Variants in PLEKHO2 observed in about 807,000 individuals in gnomAD.
PLEKHO2 encodes pleckstrin homology domain containing O2, also known as pleckstrin homology domain-containing family O member 2.
Under a neutral mutation model 32.7 loss-of-function variants are expected in PLEKHO2, and 20 were observed. The ratio of observed to expected loss-of-function variants is 0.61; its 90% CI spans 0.43 to 0.89. PLEKHO2 has a LOEUF of 0.89. PLEKHO2 is among the 40% of genes least tolerant of loss of function. The pLI is 0.00. For missense variants in PLEKHO2, 568 were observed against 621.2 expected, an observed-to-expected ratio of 0.91 and a Z score of 0.91; for synonymous variants, 247 against 246.3, an observed-to-expected ratio of 1.00 and a Z score of -0.03.
intron 2 of PLEKHO2, among the ~76,000 whole-genome samples, chr15:64,851,459 G>A (rs2084568159): frequency 6.6e-6 from 1 of 152,094 alleles, no homozygotes; most frequent in Admixed American, 6.6e-5. Context: ...CCCCTTGTTT[G>A]AAAAAGATTG....
chr15:64,859,798 G>T, intron 3 of PLEKHO2, 96 bp from the exon 4 acceptor site: 1 of 1,021,262 alleles, frequency 9.8e-7, no homozygotes. Flanking sequence ...GGTCATTTTG[G>T]TTTGACTTTG....
chr15:64,848,582 C>T lies in PLEKHO2; in HGVS notation c.13-11C>T. ...GCAACCCTCATGGTATGAACTGGTG[C>T]TGTGTTACAGGGTGTGAAGGAAGCC... On this transcript the variant is annotated splice_polypyrimidine_tract_variant and intron_variant, in intron 1 of 5. Transcript: ENST00000323544. 1 of 1,614,022 alleles carries T rather than the reference C, an allele frequency of 6.2e-7. No homozygotes were observed. The highest frequency in any genetic ancestry group is 8.5e-7 in the Non-Finnish European group (1 of 1,179,950).
rs140517750 is a variant in PLEKHO2, at chr15:64,865,035, C to T, written c.620C>T (p.Thr207Ile). The change falls in exon 6 of 6, where the codon ACC becomes ATC. Residue 207 changes from threonine to isoleucine, a missense_variant. Thr to Ile is a moderately conservative substitution (Grantham distance 89, BLOSUM62 -1). Transcript: ENST00000323544. Reference protein sequence around the residue: ...RETPRPLMPPTKPFLAPETTS... With the variant: ...RETPRPLMPPIKPFLAPETTS... Reference sequence around the variant, plus strand: ...ACACCCCGGCCCCTCATGCCTCCTACCAAGCCTTTCCTAGCACCTGAGACC... The same window carrying T: ...ACACCCCGGCCCCTCATGCCTCCTATCAAGCCTTTCCTAGCACCTGAGACC... The T allele has an allele frequency of 1.8e-5, 29 of 1,614,128 alleles. No individual in the cohort carries two copies. Among genetic ancestry groups the T allele is most frequent in the Non-Finnish European group, 2.5e-6 (3 of 1,179,990 alleles).
chr15:64,856,716 AAACAGTG>A (rs2084608346), intron 3 of PLEKHO2, among the ~76,000 whole-genome samples: 1 of 152,152 alleles, frequency 6.6e-6, no homozygotes, highest in Non-Finnish European at 1.5e-5. Context: ...GCTGCGGATG[AAACAGTG>A]CATCCTGGTT....
chr15:64,857,608 C>G (rs940099910), intron 3 of PLEKHO2, among the ~76,000 whole-genome samples: 1 of 152,170 alleles, frequency 6.6e-6, no homozygotes, highest in South Asian at 2.1e-4. Context: ...ATGCCTGGCT[C>G]GTTCAGCCAG....
intron 5 of PLEKHO2, among the ~76,000 whole-genome samples, chr15:64,864,417 C>G (rs1344867503): frequency 6.6e-6 from 1 of 152,172 alleles, no homozygotes; most frequent in Admixed American, 6.5e-5. Flanking sequence ...TTGAGATGAA[C>G]TGGAAGAAGT....
In PLEKHO2 at chr15:64,842,035, G is replaced by C. The variant is rs890167643; in HGVS notation, c.12+7G>C. On this transcript the variant is annotated splice_region_variant and intron_variant, in intron 1 of 5. Transcript: ENST00000323544. ...ACTCGCCATGGAGGAGGAGGTGAGGGCGGGGCCCGGCGGGGCGTTGGGCTG... is the reference window on the plus strand; with the variant it reads ...ACTCGCCATGGAGGAGGAGGTGAGGCCGGGGCCCGGCGGGGCGTTGGGCTG... The C allele has an allele frequency of 2.4e-6, 3 of 1,239,516 alleles. No homozygotes were observed. The highest frequency in any genetic ancestry group is 4.2e-5 in the Admixed American group (1 of 23,746). The allele number at this position is 1,239,516 out of a possible 1,614,324, so 76.8% of individuals were successfully genotyped here.
chr15:64,850,091 TGGA>T (rs2084555875), intron 2 of PLEKHO2, among the ~76,000 whole-genome samples: 1 of 150,868 alleles, frequency 6.6e-6, no homozygotes, highest in East Asian at 2.0e-4. Context: ...ACCTGGGAGG[TGGA>T]GGTTGCAGTG....
At chr15:64,853,342 T>C (rs1391608321) in intron 2 of PLEKHO2, among the ~76,000 whole-genome samples, 1 of 148,894 alleles carries the variant, frequency 6.7e-6, no homozygotes, top group Non-Finnish European at 1.5e-5. Flanking sequence ...AGTGGAGCGA[T>C]CTTGGCTCAC....
chr15:64,858,902 A>G (rs904767916), intron 3 of PLEKHO2, among the ~76,000 whole-genome samples: 3 of 152,174 alleles, frequency 2.0e-5, no homozygotes. Flanking sequence ...CTAAAACTCT[A>G]TGCCCATTAA....
chr15:64,850,965 C>T (rs1394202093), intron 2 of PLEKHO2, among the ~76,000 whole-genome samples: 1 of 152,220 alleles, frequency 6.6e-6, no homozygotes, highest in Non-Finnish European at 1.5e-5. Flanking sequence ...GCCTCTTCCT[C>T]ATCCACCTCT....
intron 2 of PLEKHO2, among the ~76,000 whole-genome samples, chr15:64,851,884 T>C (rs962318660): frequency 3.9e-5 from 6 of 152,152 alleles, no homozygotes; most frequent in African/African-American, 1.2e-4. Flanking sequence ...CTGCTCTCTC[T>C]CAAGCAAGGA....
chr15:64,865,455 AT>A lies in PLEKHO2; in HGVS notation c.1041del (p.Asp347GlufsTer70), dbSNP rs1194464336. The A allele has an allele frequency of 4.3e-6, 7 of 1,614,010 alleles. No homozygotes were observed. The highest frequency in any genetic ancestry group is 5.1e-6 in the Non-Finnish European group (6 of 1,179,988). On this transcript the variant is annotated frameshift_variant, in exon 6 of 6. Transcript: ENST00000323544. LOFTEE classifies it low-confidence loss of function (END_TRUNC). ...GTGCAGGTCTCAGTGAATGGCATGG[AT>A]GACAGTCCTGAGCCTGCCAAGCCCT... The part of the protein sequence containing the change: ...GTVQVSVNGM[D>X]DSPEPAKPSQ...
At chr15:64,842,096 G>T in intron 1 of PLEKHO2, 68 bp downstream of exon 1, 1 of 1,209,276 alleles carries the variant, frequency 8.3e-7, no homozygotes, top group Non-Finnish European at 1.0e-6. Context: ...TGCGGTCCTG[G>T]GCTCAGGCCC....
At chr15:64,858,161 G>T (rs993655041) in intron 3 of PLEKHO2, among the ~76,000 whole-genome samples, 1 of 152,200 alleles carries the variant, frequency 6.6e-6, no homozygotes, top group Non-Finnish European at 1.5e-5. Context: ...AGTTGCCAAG[G>T]TGCCCTGGGG....
At chr15:64,855,101 CA>C (rs2084598344) in intron 3 of PLEKHO2, 64 bp downstream of exon 3, 12 of 1,352,416 alleles carry the variant, frequency 8.9e-6, no homozygotes, top group Non-Finnish European at 1.2e-5. Context: ...GAGGCCTAAG[CA>C]GGTTTAAGGC....
intron 1 of PLEKHO2, among the ~76,000 whole-genome samples, chr15:64,842,896 G>T (rs1442377500): frequency 6.6e-6 from 1 of 152,240 alleles, no homozygotes; most frequent in South Asian, 2.1e-4. Flanking sequence ...CCTGTGGAAT[G>T]ATTAAGTTAA....
intron 3 of PLEKHO2, among the ~76,000 whole-genome samples, chr15:64,857,977 T>C (rs2084616488): frequency 6.6e-6 from 1 of 152,214 alleles, no homozygotes; most frequent in African/African-American, 2.4e-5. Flanking sequence ...TCCTGTACCA[T>C]GCAGGGGTCA....
chr15:64,860,668 C>A (rs1010184971), intron 4 of PLEKHO2, among the ~76,000 whole-genome samples: 1 of 152,242 alleles, frequency 6.6e-6, no homozygotes, highest in African/African-American at 2.4e-5. Flanking sequence ...CCTCTTAATA[C>A]CCAGGTTCCC....
Sources: allele counts gnomAD v4.1 joint callset (sites outside exome capture counted in the v4.1 genomes callset), GRCh38; gene constraint gnomAD v4.1.1; transcripts MANE v1.5; gene names NCBI Gene and HGNC (gene_info 2026-07-23, HGNC 2026-07-21).